Variants in ARHGAP40 observed in about 807,000 individuals in gnomAD.
The protein encoded by ARHGAP40 is Rho GTPase activating protein 40.
A neutral mutation model predicts 73.5 loss-of-function variants in ARHGAP40; 43 were observed. The ratio of observed to expected loss-of-function variants is 0.58; its 90% confidence interval spans 0.46 to 0.75. The LOEUF (loss-of-function observed/expected upper bound fraction) is 0.75, where lower values mean the gene tolerates loss of function less well. ARHGAP40 is among the 30% of genes least tolerant of loss of function. The pLI, the probability that ARHGAP40 is intolerant of heterozygous loss-of-function variation, is 0.00. For synonymous variants in ARHGAP40, 300 were observed against 352.8 expected (o/e 0.85, Z 1.68); for missense variants, 734 against 861.8 (o/e 0.85, Z 1.86).
intron 10 of ARHGAP40, among the ~76,000 whole-genome samples, chr20:38,643,278 T>C (rs2089030375): frequency 6.6e-6 from 1 of 152,272 alleles, no homozygotes; most frequent in African/African-American, 2.4e-5. Flanking sequence ...CATCACTTTC[T>C]GCTGCTCTTC....
intron 14 of ARHGAP40, among the ~76,000 whole-genome samples, chr20:38,649,526 T>A (rs1417931444): frequency 6.6e-6 from 1 of 151,972 alleles, no homozygotes; most frequent in Non-Finnish European, 1.5e-5. Flanking sequence ...TACATCTGTG[T>A]CCGTCAGTCA....
chr20:38,649,487 C>T (rs2089074308), intron 14 of ARHGAP40, among the ~76,000 whole-genome samples: 2 of 152,194 alleles, frequency 1.3e-5, no homozygotes, highest in African/African-American at 4.8e-5. Context: ...AGAGTTGTTG[C>T]ATTCTGAGGC....
intron 1 of ARHGAP40, chr20:38,615,482 C>T (rs1037332967): frequency 4.7e-5 from 32 of 675,558 alleles, no homozygotes; most frequent in East Asian, 1.8e-4. Flanking sequence ...TCCATGGCGG[C>T]GCGAGTGGCC....
At chr20:38,608,222 G>A (rs951490815) in intron 1 of ARHGAP40, among the ~76,000 whole-genome samples, 7 of 21,000 alleles carry the variant, frequency 3.3e-4, no homozygotes, top group African/African-American at 1.4e-3. Context: ...TCCACCCAGG[G>A]AAAACTTTGC....
intron 3 of ARHGAP40, among the ~76,000 whole-genome samples, chr20:38,628,673 C>T (rs1428138556): frequency 6.6e-6 from 1 of 152,188 alleles, no homozygotes; most frequent in Admixed American, 6.5e-5. Context: ...TTGTGGGCAT[C>T]ATCTTTCTTG....
intron 5 of ARHGAP40, among the ~76,000 whole-genome samples, chr20:38,632,386 C>T (rs778899881): frequency 3.8e-4 from 58 of 152,020 alleles, no homozygotes; most frequent in Non-Finnish European, 1.6e-4. Context: ...CCTCAGCCCC[C>T]GAGTAGCTGG....
intron 1 of ARHGAP40, among the ~76,000 whole-genome samples, chr20:38,602,707 T>G (rs2088742525): frequency 6.6e-6 from 1 of 152,252 alleles, no homozygotes; most frequent in Non-Finnish European, 1.5e-5. Context: ...GAGAACTTTT[T>G]GACATATGTA....
At chr20:38,627,890 G>T (rs1326100414) in intron 3 of ARHGAP40, among the ~76,000 whole-genome samples, 1 of 152,196 alleles carries the variant, frequency 6.6e-6, no homozygotes, top group Non-Finnish European at 1.5e-5. Flanking sequence ...GGGCAGGCAA[G>T]CCCCTAAATT....
intron 6 of ARHGAP40, among the ~76,000 whole-genome samples, chr20:38,635,490 C>G (rs562832707): frequency 6.6e-6 from 1 of 152,016 alleles, no homozygotes; most frequent in African/African-American, 2.4e-5. Context: ...ATAGTGAGAC[C>G]CTGTCTCTAC....
intron 5 of ARHGAP40, among the ~76,000 whole-genome samples, chr20:38,633,648 C>G (rs1474701836): frequency 1.3e-5 from 2 of 152,340 alleles, no homozygotes; most frequent in African/African-American, 4.8e-5. Context: ...TTATAAGCAT[C>G]AATTACTATT....
chr20:38,624,335 G>A (rs1408199810), intron 2 of ARHGAP40, among the ~76,000 whole-genome samples: 2 of 152,162 alleles, frequency 1.3e-5, no homozygotes, highest in Non-Finnish European at 2.9e-5. Flanking sequence ...GAGCTGGGTA[G>A]AAGCTGTCTT....
intron 3 of ARHGAP40, among the ~76,000 whole-genome samples, chr20:38,628,478 G>A (rs1379405137): frequency 6.6e-6 from 1 of 151,926 alleles, no homozygotes; most frequent in Admixed American, 6.6e-5. Flanking sequence ...CTAATTTTTT[G>A]TATTTTTAGT....
chr20:38,619,795 A>G (rs955573124), intron 1 of ARHGAP40, among the ~76,000 whole-genome samples: 12 of 151,468 alleles, frequency 7.9e-5, no homozygotes, highest in African/African-American at 2.9e-4. Context: ...GATGTATTAA[A>G]CTGAGGTTTG....
intron 4 of ARHGAP40, 114 bp from the exon 5 acceptor site, chr20:38,629,388 T>G: frequency 9.1e-7 from 1 of 1,104,694 alleles, no homozygotes; most frequent in Non-Finnish European, 1.2e-6. Context: ...GCTTTGAACT[T>G]GAGCTTGGGA....
chr20:38,632,793 T>C (rs1319674230), intron 5 of ARHGAP40, among the ~76,000 whole-genome samples: 2 of 151,202 alleles, frequency 1.3e-5, no homozygotes, highest in African/African-American at 4.9e-5. Flanking sequence ...CTGGGCAACA[T>C]AGCAAGACCC....
In ARHGAP40 at chr20:38,631,182, C is replaced by G. The variant is rs564829831; in HGVS notation, c.783+1532C>G. On this transcript the variant is annotated intron_variant, in intron 5 of 14. Coordinates refer to ENST00000373345, the Ensembl canonical transcript of ARHGAP40. ...TTTGAAATAGCCAGGTGTGATGGTG[C>G]AGGCCTGTAGTCTTAGCCACTTGGG... 2.4e-4 allele frequency among the ~76,000 whole-genome samples: 36 copies of G among 152,002 alleles called. No homozygotes were observed. The South Asian group carries it at 7.3e-3, about 31-fold the overall frequency.
In ARHGAP40 at chr20:38,646,829, T is replaced by C. The variant is rs1195347803; in HGVS notation, c.1711-128T>C. On this transcript the variant is annotated intron_variant, in intron 12 of 14. Transcript: ENST00000373345. This position sits in a 1 kb window ranked among gnomAD's most constrained non-coding sequence, Gnocchi z 4.5. ...TGCCCAAGTGTCCGGTATGCGTGTG[T>C]GTGTATCTTGTGATTTTCAGCGTGG... The C allele has an allele frequency of 1.3e-6, 1 of 787,788 alleles. No individual in the cohort carries two copies. Among genetic ancestry groups the C allele is most frequent in the Non-Finnish European group, 1.8e-6 (1 of 552,248 alleles). The allele number at this position is 787,788 out of a possible 1,614,324, so 48.8% of individuals were successfully genotyped here. A position where few individuals can be genotyped will look rare whatever the true frequency, so the allele number is the denominator to read the frequency against.
chr20:38,606,629 G>A (rs2088771804), intron 1 of ARHGAP40, among the ~76,000 whole-genome samples: 1 of 152,188 alleles, frequency 6.6e-6, no homozygotes, highest in Non-Finnish European at 1.5e-5. Context: ...GATCAGAGAG[G>A]CAGAAAGACC....
chr20:38,614,012 A>G lies in ARHGAP40; in HGVS notation c.138-9347A>G, dbSNP rs144603371. Among the ~76,000 whole-genome samples, 244 of 152,206 alleles carry G rather than the reference A, an allele frequency of 1.6e-3. 1 individual carries two copies. The highest frequency in any genetic ancestry group is 5.3e-3 in the African/African-American group (222 of 41,532). ...TGATACTCAAAAATGTAAAGGTAAG[A>G]TTTACCTTTTATAACATCTCATTCC... On this transcript the variant is annotated intron_variant, in intron 1 of 14. Transcript: ENST00000373345.
Sources: allele counts gnomAD v4.1 joint callset (sites outside exome capture counted in the v4.1 genomes callset), GRCh38; gene constraint gnomAD v4.1.1; non-coding constraint Gnocchi (gnomAD v3.1); transcripts MANE v1.5; gene names NCBI Gene and HGNC (gene_info 2026-07-23, HGNC 2026-07-21).